Variants in DRD3 observed in about 807,000 individuals in gnomAD.
DRD3 encodes the protein dopamine receptor D3, also known as D(3) dopamine receptor.
Under a neutral mutation model 36.3 loss-of-function variants are expected in DRD3, and 19 were observed. The observed-to-expected ratio is 0.52, with a 90% CI of 0.36 to 0.77. DRD3 has a LOEUF of 0.77. Ranked by LOEUF, DRD3 falls within the 30% of genes least tolerant of loss-of-function variation. The pLI is 0.00. For missense variants in DRD3, 465 were observed against 505.3 expected, an observed-to-expected ratio of 0.92 and a Z score of 0.77; for synonymous variants, 195 against 203.7, an observed-to-expected ratio of 0.96 and a Z score of 0.36.
intron 1 of DRD3, among the ~76,000 whole-genome samples, chr3:114,190,031 GA>G (rs1290097006): frequency 1.3e-5 from 2 of 152,028 alleles, no homozygotes; most frequent in African/African-American, 2.4e-5. Context: ...AGCAGATGGG[GA>G]AAAAAGCCGG....
intron 2 of DRD3, among the ~76,000 whole-genome samples, chr3:114,161,113 G>C (rs1045299750): frequency 6.6e-6 from 1 of 152,032 alleles, no homozygotes; most frequent in Admixed American, 6.5e-5. Context: ...CTTCTTTCCT[G>C]GGGGGGTGGG....
intron 3 of DRD3, among the ~76,000 whole-genome samples, chr3:114,154,877 G>A (rs1340452219): frequency 6.6e-6 from 1 of 152,152 alleles, no homozygotes; most frequent in Non-Finnish European, 1.5e-5. Context: ...TGTGATGGGA[G>A]GAGGGCTGGC....
At chr3:114,179,156 A>C (rs1031485129), upstream of DRD3, 5 of 152,168 alleles carry the variant, frequency 3.3e-5, no homozygotes, top group African/African-American at 1.2e-4. Context: ...ATTTCTCTTG[A>C]ATAACTCTCA....
intron 3 of DRD3, among the ~76,000 whole-genome samples, chr3:114,155,261 T>C (rs908513172): frequency 1.3e-5 from 2 of 152,222 alleles, no homozygotes; most frequent in Non-Finnish European, 2.9e-5. Context: ...TGAAGAATAA[T>C]GAACCCAGCT....
At chr3:114,173,419 C>A (rs539803186) in intron 1 of DRD3, among the ~76,000 whole-genome samples, 2 of 152,244 alleles carry the variant, frequency 1.3e-5, no homozygotes, top group Admixed American at 1.3e-4. Flanking sequence ...CTGTCTAGAC[C>A]ACACTCAGGG....
chr3:114,155,975 C>G (rs1033441018), intron 3 of DRD3, among the ~76,000 whole-genome samples: 5 of 152,186 alleles, frequency 3.3e-5, no homozygotes, highest in Non-Finnish European at 5.9e-5. Context: ...ATCCATCCAT[C>G]TCATAGCTCC....
intron 5 of DRD3, among the ~76,000 whole-genome samples, chr3:114,137,054 C>T (rs1284993044): frequency 6.6e-6 from 1 of 152,204 alleles, no homozygotes; most frequent in Admixed American, 6.5e-5. Flanking sequence ...TATGCTTTCT[C>T]AATATCTTCT....
At chr3:114,142,290 G>A (rs1414562984) in intron 4 of DRD3, among the ~76,000 whole-genome samples, 1 of 152,070 alleles carries the variant, frequency 6.6e-6, no homozygotes, top group Non-Finnish European at 1.5e-5. Context: ...CTGTGATAAG[G>A]AGGCGTTTCA....
chr3:114,141,327 C>T (rs2077521712), intron 4 of DRD3, among the ~76,000 whole-genome samples: 2 of 152,186 alleles, frequency 1.3e-5, no homozygotes, highest in South Asian at 4.1e-4. Context: ...AACCACTGCA[C>T]CCAGCTGACA....
chr3:114,144,016 C>A (rs2077549225), intron 4 of DRD3, among the ~76,000 whole-genome samples: 1 of 152,234 alleles, frequency 6.6e-6, no homozygotes, highest in Non-Finnish European at 1.5e-5. Flanking sequence ...TTGGCACCAG[C>A]ACACCATGCT....
intron 5 of DRD3, among the ~76,000 whole-genome samples, chr3:114,136,303 C>A (rs1218341605): frequency 7.2e-5 from 11 of 151,952 alleles, no homozygotes; most frequent in Non-Finnish European, 1.5e-5. Context: ...GAAATTCAGT[C>A]CTATAGTAGG....
At chr3:114,172,911 C>T (rs1238864573) in intron 1 of DRD3, among the ~76,000 whole-genome samples, 1 of 151,322 alleles carries the variant, frequency 6.6e-6, no homozygotes, top group African/African-American at 2.4e-5. Flanking sequence ...GACTCTTGCC[C>T]CAAGCTCTAG....
Position 114,128,786 on chromosome 3 carries a change from A to G in DRD3, c.1133T>C (p.Leu378Pro), listed in dbSNP as rs201870274. ...GAAGGTGGTATAGATCACAGGGTTG[A>G]GGGCGCTATTCACGTAGCCCAGCCA... Reference protein sequence around the residue: ...TTWLGYVNSALNPVIYTTFNI... With the variant: ...TTWLGYVNSAPNPVIYTTFNI... The change falls in exon 7 of 7, where the codon CTC becomes CCC. Residue 378 changes from leucine (L) to proline (P), a missense_variant. By Grantham distance (98) the Leu-to-Pro change is moderately conservative. Transcript: ENST00000383673. 7.4e-6 allele frequency: 12 copies of G among 1,613,810 alleles called. No individual in the cohort carries two copies. The highest frequency in any genetic ancestry group is 3.3e-5 in the Admixed American group (2 of 59,954).
At chr3:114,173,386 G>T (rs1410103744) in intron 1 of DRD3, among the ~76,000 whole-genome samples, 1 of 152,174 alleles carries the variant, frequency 6.6e-6, no homozygotes, top group Non-Finnish European at 1.5e-5. Flanking sequence ...GTGCCAAGGA[G>T]AAGGTCCACT....
intron 1 of DRD3, among the ~76,000 whole-genome samples, chr3:114,198,681 A>G (rs2078049625): frequency 6.6e-6 from 1 of 152,232 alleles, no homozygotes; most frequent in Non-Finnish European, 1.5e-5. Flanking sequence ...ATACATAGGT[A>G]TCTATAGATA....
intron 2 of DRD3, among the ~76,000 whole-genome samples, chr3:114,163,058 C>T (rs543779188): frequency 6.6e-5 from 10 of 152,308 alleles, no homozygotes; most frequent in Admixed American, 6.5e-4. Context: ...TCCAGGCCCC[C>T]AATGGCCTGT....
chr3:114,190,462 A>T (rs963629145), intron 1 of DRD3, among the ~76,000 whole-genome samples: 43 of 8,070 alleles, frequency 5.3e-3, no homozygotes, highest in Admixed American at 9.8e-3. Context: ...ATATATATAT[A>T]TTTTTTTTTT....
chr3:114,186,098 TC>T (rs746286835), intron 1 of DRD3, among the ~76,000 whole-genome samples: 1 of 152,242 alleles, frequency 6.6e-6, no homozygotes, highest in Non-Finnish European at 1.5e-5. Flanking sequence ...TCTGCACCTT[TC>T]CCTAGGTAAG....
intron 3 of DRD3, among the ~76,000 whole-genome samples, chr3:114,156,896 TTTTC>T (rs2077684858): frequency 1.3e-5 from 2 of 149,738 alleles, no homozygotes; most frequent in African/African-American, 4.9e-5. Flanking sequence ...TTTTCTTCTC[TTTTC>T]TTCCTTCCTT....
Sources: allele counts gnomAD v4.1 joint callset (sites outside exome capture counted in the v4.1 genomes callset), GRCh38; gene constraint gnomAD v4.1.1; transcripts MANE v1.5; gene names NCBI Gene and HGNC (gene_info 2026-07-23, HGNC 2026-07-21).